UVRAG: variants seen among roughly 807,000 people sequenced by gnomAD.
The protein encoded by UVRAG is UV radiation resistance associated.
A neutral mutation model predicts 78.0 loss-of-function variants in UVRAG; 19 were observed. The ratio of observed to expected loss-of-function variants is 0.24; its 90% confidence interval spans 0.17 to 0.36. The LOEUF (loss-of-function observed/expected upper bound fraction) is 0.36, where lower values mean the gene tolerates loss of function less well. Among genes scored for constraint, UVRAG ranks in the 10% least tolerant of loss-of-function variants. The probability of loss-of-function intolerance (pLI) is 1.00; values close to 1 mark genes in which losing one functional copy is unlikely to be tolerated. For missense variants in UVRAG, 740 were observed against 853.8 expected, an observed-to-expected ratio of 0.87 and a Z score of 1.66; for synonymous variants, 323 against 324.6, an observed-to-expected ratio of 1.00 and a Z score of 0.05.
At chr11:75,879,294 A>G (rs150626461) in intron 3 of UVRAG, among the ~76,000 whole-genome samples, 33 of 152,264 alleles carry the variant, frequency 2.2e-4, no homozygotes, top group Admixed American at 1.4e-3. Context: ...CCCTGACCAC[A>G]CCTTGGCATT....
At chr11:75,836,669 A>G (rs1302970001) in intron 1 of UVRAG, among the ~76,000 whole-genome samples, 3 of 152,206 alleles carry the variant, frequency 2.0e-5, no homozygotes, top group African/African-American at 7.2e-5. Context: ...TCTCCTGTGC[A>G]TGTATCAACT....
rs531936850 is a variant in UVRAG at position 76,143,854 on chromosome 11, A to G, written c.*2441A>G. Reference sequence around the variant, plus strand: ...TAAGAAAATTGTTTGCTTGGAAGATATAAGTTGAATTGGAAACTCATTACT... The same window carrying G: ...TAAGAAAATTGTTTGCTTGGAAGATGTAAGTTGAATTGGAAACTCATTACT... On this transcript the variant is annotated 3_prime_UTR_variant, in exon 15 of 15. Coordinates refer to ENST00000356136, the MANE Select transcript of UVRAG (RefSeq NM_003369.4). 2.0e-3 allele frequency among the ~76,000 whole-genome samples: 304 copies of G among 152,390 alleles called. 1 individual carries two copies. The highest frequency in any genetic ancestry group is 3.8e-3 in the Non-Finnish European group (256 of 68,036).
chr11:76,056,652 T>G (rs1404961375), intron 12 of UVRAG, among the ~76,000 whole-genome samples: 1 of 152,242 alleles, frequency 6.6e-6, no homozygotes, highest in African/African-American at 2.4e-5. Context: ...ATCTTTCCCC[T>G]GTGTTACCTA....
chr11:76,096,626 T>A (rs1951789818), intron 13 of UVRAG, among the ~76,000 whole-genome samples: 1 of 151,944 alleles, frequency 6.6e-6, no homozygotes, highest in African/African-American at 2.4e-5. Context: ...AGAAAAGGAG[T>A]CTGCTCTGTG....
chr11:75,954,233 AG>A (rs1948754576), intron 6 of UVRAG, among the ~76,000 whole-genome samples: 1 of 152,202 alleles, frequency 6.6e-6, no homozygotes, highest in Admixed American at 6.5e-5. Context: ...GTGTGTTTTA[AG>A]CCCCTAAGGT....
rs1258434664 is a variant in UVRAG, at chr11:75,991,082, A to G, written c.826+7569A>G. Reference sequence around the variant, plus strand: ...TGGCAGTGATAAGTATCTGCATTCCAATACAACTTGCATATTTATAAATGA... The same window carrying G: ...TGGCAGTGATAAGTATCTGCATTCCGATACAACTTGCATATTTATAAATGA... On this transcript the variant is annotated intron_variant, in intron 8 of 14. Transcript: ENST00000356136. 3.3e-5 allele frequency among the ~76,000 whole-genome samples: 5 copies of G among 152,244 alleles called. No individual in the cohort carries two copies. In the South Asian group the frequency reaches 8.3e-4, roughly 25 times the overall value.
chr11:76,064,729 T>A (rs149041401), intron 12 of UVRAG, among the ~76,000 whole-genome samples: 253 of 152,298 alleles, frequency 1.7e-3, no homozygotes, highest in African/African-American at 5.9e-3. Context: ...GAAAATAATA[T>A]CCTCTAGGCT....
chr11:76,042,805 TAAAA>T (rs1221997534), intron 12 of UVRAG, among the ~76,000 whole-genome samples: 2 of 152,168 alleles, frequency 1.3e-5, no homozygotes, highest in African/African-American at 4.8e-5. Flanking sequence ...GTTTATATAT[TAAAA>T]AAGACACACA....
intron 13 of UVRAG, among the ~76,000 whole-genome samples, chr11:76,083,008 G>A (rs900983505): frequency 1.3e-5 from 2 of 152,174 alleles, no homozygotes; most frequent in East Asian, 3.8e-4. Flanking sequence ...TCCAGCCTGG[G>A]TGACAGAGAC....
intron 8 of UVRAG, among the ~76,000 whole-genome samples, chr11:75,996,427 A>G (rs909934121): frequency 1.3e-5 from 2 of 152,196 alleles, no homozygotes; most frequent in African/African-American, 2.4e-5. Flanking sequence ...ATTAGAGTCA[A>G]CATGGCAGGT....
In UVRAG at chr11:75,933,584, AC is replaced by A. The variant is rs371855572; in HGVS notation, c.593+21546del. Among the ~76,000 whole-genome samples the A allele has an allele frequency of 3.8e-3, 574 of 152,304 alleles. 4 individuals are homozygous for A. The highest frequency in any genetic ancestry group is 0.014 in the African/African-American group (566 of 41,570). On this transcript the variant is annotated intron_variant, in intron 6 of 14. Transcript: ENST00000356136. ...GGCACAACCTAGAGAATGGGAGAAA[AC>A]ATTTGCAAACTACCCATCTGACAAG...
intron 1 of UVRAG, among the ~76,000 whole-genome samples, chr11:75,845,461 A>C (rs1946013098): frequency 6.6e-6 from 1 of 152,224 alleles, no homozygotes; most frequent in South Asian, 2.1e-4. Context: ...GGTTAAAGAA[A>C]ATGTGATACA....
chr11:75,950,745 A>G (rs978734422), intron 6 of UVRAG, among the ~76,000 whole-genome samples: 19 of 152,122 alleles, frequency 1.2e-4, no homozygotes, highest in Non-Finnish European at 2.5e-4. Context: ...AGCCATTATA[A>G]TAGGCTTGTA....
chr11:76,006,685 A>AAAAG (rs1554976698), intron 9 of UVRAG, among the ~76,000 whole-genome samples: 13 of 149,278 alleles, frequency 8.7e-5, no homozygotes, highest in Non-Finnish European at 1.8e-4. Flanking sequence ...AAAAAAAAAA[A>AAAAG]AGAGAGAGAG....
intron 6 of UVRAG, among the ~76,000 whole-genome samples, chr11:75,943,687 T>G (rs1250095822): frequency 6.6e-6 from 1 of 152,154 alleles, no homozygotes; most frequent in African/African-American, 2.4e-5. Context: ...GATGCACTAA[T>G]TATCACATGC....
intron 1 of UVRAG, among the ~76,000 whole-genome samples, chr11:75,819,986 T>G (rs1250737447): frequency 6.6e-6 from 1 of 152,102 alleles, no homozygotes; most frequent in Non-Finnish European, 1.5e-5. Context: ...ATTTCGTTCT[T>G]TTATTTTTAT....
chr11:75,951,602 G>A (rs1246727329), intron 6 of UVRAG, among the ~76,000 whole-genome samples: 3 of 151,998 alleles, frequency 2.0e-5, no homozygotes, highest in East Asian at 3.9e-4. Flanking sequence ...GGCTGGTCTC[G>A]AACTCCCAGC....
intron 8 of UVRAG, among the ~76,000 whole-genome samples, chr11:75,993,608 T>C (rs1422747899): frequency 6.6e-6 from 1 of 152,196 alleles, no homozygotes; most frequent in Non-Finnish European, 1.5e-5. Context: ...AAAGCAACAC[T>C]CTATCAAAAT....
At chr11:75,949,634 A>G (rs909842717) in intron 6 of UVRAG, among the ~76,000 whole-genome samples, 2 of 151,560 alleles carry the variant, frequency 1.3e-5, no homozygotes, top group Non-Finnish European at 2.9e-5. Context: ...CCCAAGCCAT[A>G]TACCAGCAAA....
Sources: gnomAD v4.1 joint callset for allele counts (sites outside exome capture counted in the v4.1 genomes callset) on GRCh38, gnomAD v4.1.1 for gene constraint, MANE v1.5 for transcripts, NCBI Gene and HGNC (gene_info 2026-07-23, HGNC 2026-07-21) for gene names.